The following SGCZ variants were observed in gnomAD, a reference collection of about 807,000 sequenced individuals.
The protein encoded by SGCZ is zeta-sarcoglycan.
A neutral mutation model predicts 41.3 loss-of-function variants in SGCZ; 40 were observed. The ratio of observed to expected loss-of-function variants is 0.97; its 90% CI spans 0.75 to 1.26. The LOEUF is 1.26. Among genes scored for constraint, SGCZ ranks in the 50% most tolerant of loss-of-function variants. The pLI, the probability that SGCZ is intolerant of heterozygous loss-of-function variation, is 0.00. For missense variants in SGCZ, 552 were observed against 369.8 expected (o/e 1.49, Z -4.04); for synonymous variants, 206 against 137.5 (o/e 1.50, Z -3.49).
At chr8:14,599,307 C>T (rs952943748) in intron 1 of SGCZ, among the ~76,000 whole-genome samples, 1 of 152,156 alleles carries the variant, frequency 6.6e-6, no homozygotes, top group African/African-American at 2.4e-5. Context: ...ACCTTGTATA[C>T]ATTTTAAAGT....
rs986368984 is a variant in SGCZ, at chr8:14,785,058, G to T, written c.40-230132C>A. Among the ~76,000 whole-genome samples, 8 of 147,586 alleles carry T rather than the reference G, an allele frequency of 5.4e-5. No homozygotes were observed. In the Admixed American group the frequency reaches 5.5e-4, roughly 10 times the overall value. ...AAAAGGATTTGTATTAGCATTTTAA[G>T]CCAAATGACAAAAAGAAAATTAGTA... On this transcript the variant is annotated intron_variant, in intron 1 of 7. Coordinates refer to ENST00000382080, the MANE Select transcript of SGCZ (RefSeq NM_139167.4).
intron 1 of SGCZ, among the ~76,000 whole-genome samples, chr8:14,830,057 G>T (rs1001825558): frequency 1.3e-5 from 2 of 152,246 alleles, no homozygotes; most frequent in East Asian, 1.9e-4. Flanking sequence ...TGATCTGCAC[G>T]CCTTGGCCTC....
At chr8:14,575,124 G>C (rs753657733) in intron 1 of SGCZ, among the ~76,000 whole-genome samples, 1 of 152,184 alleles carries the variant, frequency 6.6e-6, no homozygotes, top group African/African-American at 2.4e-5. Context: ...AAATAAATTT[G>C]TGTTCATTAG....
intron 2 of SGCZ, among the ~76,000 whole-genome samples, chr8:14,386,313 A>T (rs1804575501): frequency 6.6e-6 from 1 of 152,244 alleles, no homozygotes; most frequent in South Asian, 2.1e-4. Context: ...AAAAAAAAAA[A>T]AAACATTCTT....
chr8:15,217,935 A>C (rs1801468288), intron 1 of SGCZ, among the ~76,000 whole-genome samples: 1 of 152,024 alleles, frequency 6.6e-6, no homozygotes, highest in Non-Finnish European at 1.5e-5. Context: ...AAAATACAAA[A>C]ATTTGCCAAA....
At chr8:14,121,678 T>G (rs1471296952) in intron 5 of SGCZ, among the ~76,000 whole-genome samples, 1 of 152,152 alleles carries the variant, frequency 6.6e-6, no homozygotes, top group Admixed American at 6.5e-5. Flanking sequence ...CTACACAGTG[T>G]GACAGTATAT....
At chr8:15,220,315 A>G (rs1200853340) in intron 1 of SGCZ, among the ~76,000 whole-genome samples, 1 of 152,152 alleles carries the variant, frequency 6.6e-6, no homozygotes, top group African/African-American at 2.4e-5. Flanking sequence ...ATCTAGTCTT[A>G]TTCCATTAAG....
At chr8:14,257,096 A>T (rs1255130818) in intron 3 of SGCZ, among the ~76,000 whole-genome samples, 1 of 152,124 alleles carries the variant, frequency 6.6e-6, no homozygotes, top group Non-Finnish European at 1.5e-5. Flanking sequence ...TAGAAGGCCA[A>T]AGTGGACAGA....
chr8:14,141,254 T>C (rs1803361010), intron 5 of SGCZ, among the ~76,000 whole-genome samples: 1 of 152,290 alleles, frequency 6.6e-6, no homozygotes, highest in Admixed American at 6.5e-5. Flanking sequence ...GACACAGGCA[T>C]GGGCAAGAAC....
intron 1 of SGCZ, among the ~76,000 whole-genome samples, chr8:15,147,972 T>C (rs1799081374): frequency 6.6e-6 from 1 of 152,190 alleles, no homozygotes; most frequent in South Asian, 2.1e-4. Context: ...GAGTCTAGCC[T>C]CCTAAGTAGG....
intron 1 of SGCZ, among the ~76,000 whole-genome samples, chr8:14,764,823 T>C (rs1799992491): frequency 6.6e-6 from 1 of 152,184 alleles, no homozygotes; most frequent in Non-Finnish European, 1.5e-5. Context: ...ATGAACATGC[T>C]TCTGATATGT....
chr8:14,154,242 C>T (rs371299029), intron 5 of SGCZ, among the ~76,000 whole-genome samples: 1 of 151,930 alleles, frequency 6.6e-6, no homozygotes, highest in Non-Finnish European at 1.5e-5. Context: ...TGGTGGTGGT[C>T]GCCTGTAGTC....
At chr8:14,634,390 A>G (rs181571584) in intron 1 of SGCZ, among the ~76,000 whole-genome samples, 10 of 151,530 alleles carry the variant, frequency 6.6e-5, no homozygotes, top group African/African-American at 2.4e-4. Flanking sequence ...TTTTTTGTGT[A>G]TTTTTTAAAC....
chr8:15,203,805 C>G (rs1454417721), intron 1 of SGCZ, among the ~76,000 whole-genome samples: 1 of 152,110 alleles, frequency 6.6e-6, no homozygotes, highest in African/African-American at 2.4e-5. Context: ...AGAAATAACA[C>G]TAAAATGATG....
intron 3 of SGCZ, among the ~76,000 whole-genome samples, chr8:14,243,619 T>C (rs1478746148): frequency 6.6e-6 from 1 of 152,202 alleles, no homozygotes; most frequent in Non-Finnish European, 1.5e-5. Flanking sequence ...TTCCGTCATT[T>C]AAGAGTAAGC....
chr8:14,489,101 T>G (rs1801766470), intron 2 of SGCZ, among the ~76,000 whole-genome samples: 1 of 151,826 alleles, frequency 6.6e-6, no homozygotes, highest in Admixed American at 6.6e-5. Flanking sequence ...GGCTTTTAAT[T>G]TTATTAAACA....
At chr8:14,171,897 T>G (rs947196365) in intron 4 of SGCZ, among the ~76,000 whole-genome samples, 1 of 152,132 alleles carries the variant, frequency 6.6e-6, no homozygotes, top group Non-Finnish European at 1.5e-5. Flanking sequence ...GTGAATTAAA[T>G]GCTGAACAAG....
At chr8:15,143,294 A>G (rs2117001979) in intron 1 of SGCZ, among the ~76,000 whole-genome samples, 1 of 152,336 alleles carries the variant, frequency 6.6e-6, no homozygotes, top group East Asian at 1.9e-4. Context: ...TCTACCTTTT[A>G]GCCTAGCATA....
intron 1 of SGCZ, among the ~76,000 whole-genome samples, chr8:14,805,906 AG>A (rs1563282374): frequency 6.6e-6 from 1 of 150,866 alleles, no homozygotes; most frequent in East Asian, 2.0e-4. Flanking sequence ...CAATCAAACT[AG>A]AACTCAGGAT....
Sources: gnomAD v4.1 joint callset for allele counts (sites outside exome capture counted in the v4.1 genomes callset) on GRCh38, gnomAD v4.1.1 for gene constraint, MANE v1.5 for transcripts, NCBI Gene and HGNC (gene_info 2026-07-23, HGNC 2026-07-21) for gene names.